Variants in SIRT3 observed in about 807,000 individuals in gnomAD.
The protein encoded by SIRT3 is NAD-dependent protein deacetylase sirtuin-3, mitochondrial.
In SIRT3, 26 loss-of-function variants were observed where a neutral mutation model predicts 33.5. That is an observed-to-expected ratio of 0.78 (90% CI 0.57 to 1.08). The LOEUF is 1.08. Among genes scored for constraint, SIRT3 ranks in the 50% least tolerant of loss-of-function variants. The pLI, the probability that SIRT3 is intolerant of heterozygous loss-of-function variation, is 0.00. For missense variants in SIRT3, 585 were observed against 530.1 expected, an observed-to-expected ratio of 1.10 and a Z score of -1.02; for synonymous variants, 237 against 222.1, an observed-to-expected ratio of 1.07 and a Z score of -0.60.
chr11:229,906 G>C (rs1484244309), intron 4 of SIRT3, among the ~76,000 whole-genome samples: 1 of 152,178 alleles, frequency 6.6e-6, no homozygotes, highest in Non-Finnish European at 1.5e-5. Flanking sequence ...AGAAAGGTGG[G>C]ACAACCCAAA....
rs1158737858 is a variant in SIRT3 at position 215,800 on chromosome 11, GTGGCCAGGACTCAGCCTGGGTTT to G, written c.*875_*897del. The G allele has an allele frequency of 2.0e-5, 3 of 152,414 alleles. No individual in the cohort carries two copies. The highest frequency in any genetic ancestry group is 7.2e-5 in the African/African-American group (3 of 41,554). 9.4% of individuals were successfully genotyped at this position (152,414 alleles called of 1,614,324 possible). ...CACCTCCTATGTCACAATCCAGCAG[GTGGCCAGGACTCAGCCTGGGTTT>G]TAAGTGAGTAATGCCTTCCCTGTCT... is the stretch of plus-strand genomic sequence containing the variant. On this transcript the variant is annotated 3_prime_UTR_variant, in exon 7 of 7. Coordinates refer to ENST00000382743, the MANE Select transcript of SIRT3 (RefSeq NM_012239.6).
chr11:220,564 A>C (rs1590115207), intron 5 of SIRT3, among the ~76,000 whole-genome samples: 1 of 152,030 alleles, frequency 6.6e-6, no homozygotes, highest in Non-Finnish European at 1.5e-5. Context: ...ACCCCCCTCC[A>C]CACACACACA....
intron 5 of SIRT3, among the ~76,000 whole-genome samples, chr11:220,645 AAC>A (rs1041352125): frequency 3.8e-4 from 58 of 152,336 alleles, no homozygotes; most frequent in African/African-American, 1.3e-3. Context: ...GCTACATAAA[AAC>A]ACAGTTTGTG....
rs1225660255 is a variant in SIRT3 at position 223,960 on chromosome 11, T to G, written c.969+118A>C. The G allele has an allele frequency of 3.8e-6, 2 of 521,282 alleles. 1 individual carries two copies. Among genetic ancestry groups the G allele is most frequent in the African/African-American group, 5.2e-5 (2 of 38,172 alleles). The allele number at this position is 521,282 out of a possible 1,614,324, so 32.3% of individuals were successfully genotyped here. The stretch of plus-strand genomic sequence containing the variant: ...ATGAGGTGACTCCTGTACCCCTCCC[T>G]TCCCCTGCCCTCCAGACTCCTCCCT... On this transcript the variant is annotated intron_variant, in intron 5 of 6. Transcript: ENST00000382743. The surrounding 1 kb of genome is among the most constrained non-coding windows in gnomAD (Gnocchi z 4.8).
chr11:219,017 C>A lies in SIRT3; in HGVS notation c.994G>T (p.Glu332Ter), dbSNP rs762570417. 4.3e-6 allele frequency: 7 copies of A among 1,613,686 alleles called. No individual in the cohort carries two copies. The South Asian group carries it at 5.5e-5, about 13-fold the overall frequency. The change falls in exon 6 of 7, where the codon GAG becomes TAG. Residue 332 changes from glutamate to a stop codon, truncating the protein, a stop_gained. Transcript: ENST00000382743. LOFTEE classifies it high-confidence loss of function. ...LEVEPFASLT[E>*]AVRSSVPRLL... ...CGGGGAACTGAGCTCCGCACGGCCT[C>A]GGTCAAGCTGGCAAAAGGCTCCACC...
chr11:230,747 G>A, intron 3 of SIRT3, 195 bp from the exon 4 acceptor site: 6 of 396,714 alleles, frequency 1.5e-5, no homozygotes, highest in Non-Finnish European at 2.2e-5. Flanking sequence ...GGGAGCAAAG[G>A]GGCACCTAGC....
At position 216,413 on chromosome 11, in the gene SIRT3, A is replaced by C. The variant is rs537755003; in HGVS notation, c.*285T>G. Reference sequence around the variant, plus strand: ...GTTCAAGAGGGTCACAGTCAGAAGAAAGCTTTTTCCATTAGGAGCTTCAGC... The same window carrying C: ...GTTCAAGAGGGTCACAGTCAGAAGACAGCTTTTTCCATTAGGAGCTTCAGC... On this transcript the variant is annotated 3_prime_UTR_variant, in exon 7 of 7. Transcript: ENST00000382743. 2 of 441,216 alleles carry C rather than the reference A, an allele frequency of 4.5e-6. No individual in the cohort carries two copies. The highest frequency in any genetic ancestry group is 8.2e-5 in the Admixed American group (2 of 24,510). 27.3% of individuals were successfully genotyped at this position (441,216 alleles called of 1,614,324 possible).
In SIRT3 at chr11:216,540, TGGC is replaced by T. The variant is rs1035493461; in HGVS notation, c.*155_*157del. The T allele has an allele frequency of 1.8e-5, 14 of 770,676 alleles. No homozygotes were observed. Among genetic ancestry groups the T allele is most frequent in the Non-Finnish European group, 2.5e-5 (11 of 445,442 alleles). 47.7% of individuals were successfully genotyped at this position (770,676 alleles called of 1,614,324 possible). ...CAGCCCTACCAGTCACTGCAGCTCATGGCCTGAGAAGACATTCCAGTGGCAGCC... is the reference window on the plus strand; with the variant it reads ...CAGCCCTACCAGTCACTGCAGCTCATCTGAGAAGACATTCCAGTGGCAGCC... On this transcript the variant is annotated 3_prime_UTR_variant, in exon 7 of 7. Coordinates refer to ENST00000382743, the MANE Select transcript of SIRT3 (RefSeq NM_012239.6).
rs768749356 is a variant in SIRT3 at position 233,496 on chromosome 11, C to A, written c.320G>T (p.Gly107Val). The change falls in exon 2 of 7, where the codon GGT becomes GTT. Residue 107 changes from glycine to valine, a missense_variant. Coordinates refer to ENST00000382743, the MANE Select transcript of SIRT3 (RefSeq NM_012239.6). ...TCCACTTCCAACAACACTTGAAGCA[C>A]CCACAGAAAAAGATATGGACCTTCT... Reference protein sequence around the residue: ...GGRRSISFSVGASSVVGSGGS... With the variant: ...GGRRSISFSVVASSVVGSGGS... 2 of 1,614,022 alleles carry A rather than the reference C, an allele frequency of 1.2e-6. No individual in the cohort carries two copies. Among genetic ancestry groups the A allele is most frequent in the Non-Finnish European group, 1.7e-6 (2 of 1,179,988 alleles).
At position 218,753 on chromosome 11, in the gene SIRT3, G is replaced by A. The variant is rs1216671683; in HGVS notation, c.1179+79C>T. ...ATTACTGTTACTGTGTTAACCAACG[G>A]GGCTCCATATCAGGTGGACCATACC... On this transcript the variant is annotated intron_variant, in intron 6 of 6. Transcript: ENST00000382743. 3.7e-6 allele frequency: 6 copies of A among 1,603,592 alleles called. No individual in the cohort carries two copies. In the African/African-American group the frequency reaches 6.7e-5, roughly 18 times the overall value.
intron 1 of SIRT3, among the ~76,000 whole-genome samples, chr11:235,628 C>T (rs1590230014): frequency 6.6e-6 from 1 of 152,108 alleles, no homozygotes; most frequent in Admixed American, 6.5e-5. Flanking sequence ...AAGATTTTTT[C>T]CTATGTAGCC....
intron 4 of SIRT3, among the ~76,000 whole-genome samples, chr11:228,873 C>A (rs1040439935): frequency 2.6e-5 from 4 of 152,184 alleles, no homozygotes; most frequent in African/African-American, 9.7e-5. Flanking sequence ...ATAAAGGACT[C>A]TCTTAACAAT....
At chr11:228,171 C>T (rs1343223351) in intron 4 of SIRT3, among the ~76,000 whole-genome samples, 1 of 152,148 alleles carries the variant, frequency 6.6e-6, no homozygotes, top group Non-Finnish European at 1.5e-5. Flanking sequence ...TAGTAAAATT[C>T]GTATGGCACC....
chr11:231,556 T>G (rs567176743), intron 3 of SIRT3, among the ~76,000 whole-genome samples: 1 of 152,206 alleles, frequency 6.6e-6, no homozygotes, highest in Non-Finnish European at 1.5e-5. Flanking sequence ...AAAAAGTGAC[T>G]TCTTATGAAA....
intron 4 of SIRT3, among the ~76,000 whole-genome samples, chr11:225,349 T>C (rs1590154880): frequency 6.7e-6 from 1 of 148,464 alleles, no homozygotes; most frequent in Non-Finnish European, 1.5e-5. Context: ...GAGGCGGAGG[T>C]TGCTGTGAGC....
Position 230,500 on chromosome 11 carries a change from A to T in SIRT3, c.759T>A (p.Ser253=), listed in dbSNP as rs1483068400. Residue 253 remains serine, a synonymous_variant, in exon 4 of 7, where the codon TCT becomes TCA. Coordinates refer to ENST00000382743, the MANE Select transcript of SIRT3 (RefSeq NM_012239.6). ...KLVEAHGTFA[S]ATCTVCQRPF... ...GTCTTTGGCAGACTGTGCAGGTGGCAGAGGCAAAGGTTCCATGAGCTTCAA... is the reference window on the plus strand; with the variant it reads ...GTCTTTGGCAGACTGTGCAGGTGGCTGAGGCAAAGGTTCCATGAGCTTCAA... 4 of 1,541,840 alleles carry T rather than the reference A, an allele frequency of 2.6e-6. No individual in the cohort carries two copies. The South Asian group carries it at 4.9e-5, about 19-fold the overall frequency.
upstream of SIRT3, chr11:236,379 CG>C: frequency 8.5e-7 from 1 of 1,178,934 alleles, no homozygotes; most frequent in Non-Finnish European, 1.1e-6. Flanking sequence ...CCCGGCGCCC[CG>C]GCCCCGCCTC....
intron 1 of SIRT3, 132 bp from the exon 2 acceptor site, chr11:233,666 C>A (rs186809548): frequency 2.6e-6 from 2 of 758,510 alleles, no homozygotes; most frequent in South Asian, 3.8e-5. Context: ...CCAGGCCTCT[C>A]AAAATAATCA....
intron 4 of SIRT3, among the ~76,000 whole-genome samples, chr11:225,298 G>A (rs536829910): frequency 9.2e-5 from 14 of 152,244 alleles, no homozygotes; most frequent in Admixed American, 2.0e-4. Context: ...TGTAATCCCA[G>A]CTACTTGGGA....
Sources: gnomAD v4.1 joint callset for allele counts (sites outside exome capture counted in the v4.1 genomes callset) on GRCh38, gnomAD v4.1.1 for gene constraint, Gnocchi (gnomAD v3.1) non-coding constraint, MANE v1.5 for transcripts, NCBI Gene and HGNC (gene_info 2026-07-23, HGNC 2026-07-21) for gene names.